The following RBM27 variants were observed in gnomAD, a reference collection of about 807,000 sequenced individuals.
RBM27 encodes RNA binding motif protein 27, also known as RNA-binding protein 27.
In RBM27, 22 loss-of-function variants were observed where a neutral mutation model predicts 135.3. That is an observed-to-expected ratio of 0.16 (90% CI 0.12 to 0.23). RBM27 has a LOEUF of 0.23. RBM27 is among the 10% of genes least tolerant of loss of function. The pLI, the probability that RBM27 is intolerant of heterozygous loss-of-function variation, is 1.00. For synonymous variants in RBM27, 481 were observed against 442.4 expected (o/e 1.09, Z -1.10); for missense variants, 1,009 against 1,281.0 (o/e 0.79, Z 3.24).
chr5:146,269,190 C>G lies in RBM27; in HGVS notation c.2452-17C>G, dbSNP rs1209208640. 3.8e-6 allele frequency: 6 copies of G among 1,562,496 alleles called. No homozygotes were observed. Among genetic ancestry groups the G allele is most frequent in the Non-Finnish European group, 4.4e-6 (5 of 1,143,616 alleles). On this transcript the variant is annotated splice_polypyrimidine_tract_variant and intron_variant, in intron 15 of 20. Coordinates refer to ENST00000265271, the MANE Select transcript of RBM27 (RefSeq NM_018989.2). ...CAAATTACATTATCTGTATTAATTT[C>G]TTTTTTACTTATACAGGAAGCAATG... is the stretch of plus-strand genomic sequence containing the variant.
At chr5:146,256,945 T>C (rs1484124257) in intron 10 of RBM27, among the ~76,000 whole-genome samples, 3 of 152,186 alleles carry the variant, frequency 2.0e-5, no homozygotes, top group African/African-American at 7.2e-5. Context: ...TGATAAAAAC[T>C]ATTTAAGGAG....
chr5:146,282,285 C>T (rs1378905695), intron 19 of RBM27, among the ~76,000 whole-genome samples: 2 of 152,164 alleles, frequency 1.3e-5, no homozygotes, highest in African/African-American at 2.4e-5. Context: ...GGATTACAGG[C>T]GTGAGCCACC....
At chr5:146,255,858 C>T (rs1404654666) in intron 10 of RBM27, among the ~76,000 whole-genome samples, 4 of 150,522 alleles carry the variant, frequency 2.7e-5, no homozygotes, top group African/African-American at 9.8e-5. Flanking sequence ...TTTTCTTCTT[C>T]TTCTTTTTTT....
chr5:146,241,223 A>C (rs1047148714), intron 8 of RBM27, among the ~76,000 whole-genome samples: 1 of 152,020 alleles, frequency 6.6e-6, no homozygotes, highest in African/African-American at 2.4e-5. Flanking sequence ...ATTGTGACTC[A>C]CTCTATAAAT....
chr5:146,265,348 A>G (rs975208768), intron 14 of RBM27, among the ~76,000 whole-genome samples: 3 of 152,214 alleles, frequency 2.0e-5, no homozygotes, highest in African/African-American at 7.2e-5. Flanking sequence ...AAAAAAATAC[A>G]TAGTTGACTA....
At chr5:146,227,551 G>C (rs1320576994) in intron 3 of RBM27, among the ~76,000 whole-genome samples, 1 of 152,056 alleles carries the variant, frequency 6.6e-6, no homozygotes, top group African/African-American at 2.4e-5. Flanking sequence ...CCATTAGATA[G>C]GTATTTGTTT....
intron 6 of RBM27, 72 bp from the exon 7 acceptor site, chr5:146,233,378 G>C (rs566831942): frequency 4.0e-5 from 59 of 1,473,896 alleles, no homozygotes; most frequent in Non-Finnish European, 5.2e-5. Flanking sequence ...GGTTTTTCAG[G>C]GACATGTTTT....
Position 146,267,754 on chromosome 5 carries a change from C to T in RBM27, c.2437C>T (p.Leu813Phe). The T allele has an allele frequency of 6.3e-7, 1 of 1,597,058 alleles. No homozygotes were observed. Among genetic ancestry groups the T allele is most frequent in the Non-Finnish European group, 8.5e-7 (1 of 1,174,786 alleles). The change falls in exon 15 of 21, where the codon CTT becomes TTT. Residue 813 changes from leucine (L) to phenylalanine (F), a missense_variant. Around this residue, in one of 6 missense-constraint regions of RBM27, gnomAD observed 355 missense variants for 427.3 expected, o/e 0.83. Coordinates refer to ENST00000265271, the MANE Select transcript of RBM27 (RefSeq NM_018989.2). ...GSKSHDVQEV[L>F]KKKQEAMKLQ... is the part of the protein sequence containing the mutation. ...TAAATCTCATGATGTTCAAGAAGTG[C>T]TTAAAAAAAAACAGGTAACAGTCTT...
chr5:146,211,581 A>G (rs1755959577), intron 1 of RBM27, among the ~76,000 whole-genome samples: 1 of 148,248 alleles, frequency 6.7e-6, no homozygotes, highest in South Asian at 2.1e-4. Context: ...TCCTGGGTTC[A>G]AGCTATTATC....
chr5:146,208,564 TG>T (rs574127975), intron 1 of RBM27, among the ~76,000 whole-genome samples: 102 of 152,344 alleles, frequency 6.7e-4, no homozygotes, highest in Non-Finnish European at 1.1e-3. Flanking sequence ...AGTTCTTGTT[TG>T]GGGACTTCAT....
Position 146,258,529 on chromosome 5 carries a change from G to C in RBM27, c.1675G>C (p.Asp559His). ...SNITRVVLEP[D>H]SRKRAMSGLE... is the part of the protein sequence containing the mutation. ...CATAACCAGAGTAGTTCTTGAACCAGATAGTCGAAAAAGAGCTATGAGTGG... is the reference window on the plus strand; with the variant it reads ...CATAACCAGAGTAGTTCTTGAACCACATAGTCGAAAAAGAGCTATGAGTGG... The change falls in exon 11 of 21, where the codon GAT (aspartate) becomes CAT (histidine). Residue 559 changes from aspartate (D) to histidine (H), a missense_variant. Transcript: ENST00000265271. 4 of 1,601,168 alleles carry C rather than the reference G, an allele frequency of 2.5e-6. No individual in the cohort carries two copies. Among genetic ancestry groups the C allele is most frequent in the Non-Finnish European group, 3.4e-6 (4 of 1,173,604 alleles).
chr5:146,273,991 G>A (rs2126892499), intron 19 of RBM27, among the ~76,000 whole-genome samples: 1 of 152,190 alleles, frequency 6.6e-6, no homozygotes, highest in African/African-American at 2.4e-5. Context: ...CTTTAAAAAT[G>A]TATTTTTTTT....
chr5:146,271,673 C>T lies in RBM27; in HGVS notation c.2987C>T (p.Ser996Leu). 1.2e-6 allele frequency: 2 copies of T among 1,608,944 alleles called. No homozygotes were observed. Among genetic ancestry groups the T allele is most frequent in the Non-Finnish European group, 1.7e-6 (2 of 1,176,092 alleles). ...AAAGAAGACTTGCTTCAGCATTTCTCAGTAAGTTTTTAAAATAGCAAATGC... is the reference window on the plus strand; with the variant it reads ...AAAGAAGACTTGCTTCAGCATTTCTTAGTAAGTTTTTAAAATAGCAAATGC... The part of the protein sequence containing the change: ...EEKEDLLQHF[S>L]TANQGPKFKD... Residue 996 changes from serine to leucine, a missense_variant and splice_region_variant, in exon 19 of 21, where the codon TCA becomes TTA. Ser to Leu is a moderately radical substitution (Grantham distance 145). Coordinates refer to ENST00000265271, the MANE Select transcript of RBM27 (RefSeq NM_018989.2).
intron 7 of RBM27, among the ~76,000 whole-genome samples, chr5:146,236,129 T>C (rs760789754): frequency 3.3e-5 from 5 of 152,226 alleles, no homozygotes; most frequent in African/African-American, 7.2e-5. Flanking sequence ...TGGGAACATA[T>C]CTATTTAAAA....
chr5:146,232,312 C>T (rs141732584), intron 6 of RBM27, among the ~76,000 whole-genome samples: 327 of 152,258 alleles, frequency 2.1e-3, no homozygotes, highest in Non-Finnish European at 2.7e-3. Context: ...CATTCTCGCC[C>T]TAATCTCTCA....
At chr5:146,244,310 C>T (rs1407772075) in intron 8 of RBM27, among the ~76,000 whole-genome samples, 4 of 151,912 alleles carry the variant, frequency 2.6e-5, no homozygotes, top group Non-Finnish European at 5.9e-5. Flanking sequence ...GCAGATAGTA[C>T]CATTATACTC....
chr5:146,273,807 G>A (rs754093347), intron 19 of RBM27, among the ~76,000 whole-genome samples: 2 of 152,166 alleles, frequency 1.3e-5, no homozygotes, highest in Non-Finnish European at 2.9e-5. Context: ...GGATTTTAAT[G>A]AAGCTATTTG....
intron 19 of RBM27, among the ~76,000 whole-genome samples, chr5:146,274,863 A>G (rs1241323513): frequency 2.6e-5 from 4 of 152,000 alleles, no homozygotes; most frequent in African/African-American, 9.7e-5. Context: ...TTTTCTGTAA[A>G]GGACTAGATA....
chr5:146,247,119 C>T (rs1189959136), intron 8 of RBM27, among the ~76,000 whole-genome samples: 1 of 152,120 alleles, frequency 6.6e-6, no homozygotes, highest in Non-Finnish European at 1.5e-5. Context: ...CAGCCTCAGC[C>T]TCTCAAAGTG....
Sources: allele counts gnomAD v4.1 joint callset (sites outside exome capture counted in the v4.1 genomes callset), GRCh38; gene constraint gnomAD v4.1.1; regional missense constraint gnomAD v4.1.1; transcripts MANE v1.5; gene names NCBI Gene and HGNC (gene_info 2026-07-23, HGNC 2026-07-21).